Variants in EIF3A observed in about 807,000 individuals in gnomAD.
EIF3A encodes eukaryotic translation initiation factor 3 subunit A.
A neutral mutation model predicts 186.6 loss-of-function variants in EIF3A; 21 were observed. That is an observed-to-expected ratio of 0.11 (90% confidence interval 0.08 to 0.16). The LOEUF (loss-of-function observed/expected upper bound fraction) is 0.16. Ranked by LOEUF, EIF3A falls within the 10% of genes least tolerant of loss-of-function variation. EIF3A has a pLI of 1.00. For missense variants in EIF3A, 1,306 were observed against 1,796.3 expected (o/e 0.73, Z 4.93); for synonymous variants, 563 against 584.3 (o/e 0.96, Z 0.52).
At chr10:119,076,338 AAG>A (rs1476052707) in intron 1 of EIF3A, among the ~76,000 whole-genome samples, 1 of 150,756 alleles carries the variant, frequency 6.6e-6, no homozygotes, top group Admixed American at 6.6e-5. Context: ...AAAAAAAAAA[AAG>A]TTTGCTACAG....
At chr10:119,059,156 T>A (rs1473906618) in intron 11 of EIF3A, 56 bp downstream of exon 11, 2 of 1,377,258 alleles carry the variant, frequency 1.5e-6, no homozygotes, top group Admixed American at 3.8e-5. Context: ...AGACATGGCA[T>A]GGCGTTAAGA....
chr10:119,048,195 T>C (rs575642667), intron 17 of EIF3A, among the ~76,000 whole-genome samples: 1 of 142,386 alleles, frequency 7.0e-6, no homozygotes, highest in African/African-American at 2.9e-5. Flanking sequence ...GCAGGCACAG[T>C]GATCAAACAT....
chr10:119,069,366 A>G, intron 6 of EIF3A, 80 bp downstream of exon 6: 1 of 755,114 alleles, frequency 1.3e-6, no homozygotes, highest in Non-Finnish European at 2.3e-6. Flanking sequence ...CTGAGAAACC[A>G]TGGCCTAAAA....
At position 119,070,921 on chromosome 10, in the gene EIF3A, G is replaced by C; in HGVS notation, c.706C>G (p.Gln236Glu). The change falls in exon 5 of 22, where the codon CAG becomes GAG. Residue 236 changes from glutamine to glutamate, a missense_variant. Coordinates refer to ENST00000369144, the MANE Select transcript of EIF3A (RefSeq NM_003750.4). ...QSMHLETRLV[Q>E]LDSAISMELW... is the part of the protein sequence containing the mutation. ...TCCATGCTGATAGCACTGTCCAGCT[G>C]AACAAGTCTGGTTTCCAAATGCATG... 6.2e-7 allele frequency: 1 copy of C among 1,613,892 alleles called. No homozygotes were observed.
At chr10:119,079,677 G>A (rs920528134) in intron 1 of EIF3A, among the ~76,000 whole-genome samples, 1 of 152,158 alleles carries the variant, frequency 6.6e-6, no homozygotes, top group African/African-American at 2.4e-5. Flanking sequence ...AAATGCCTTG[G>A]AGAGATCGGG....
intron 1 of EIF3A, among the ~76,000 whole-genome samples, chr10:119,077,887 T>C (rs908762317): frequency 3.3e-5 from 5 of 152,222 alleles, no homozygotes; most frequent in Non-Finnish European, 7.4e-5. Context: ...CGGGGGAAGC[T>C]TTTGAGACTG....
intron 14 of EIF3A, among the ~76,000 whole-genome samples, chr10:119,055,699 A>G (rs1239455974): frequency 6.6e-6 from 1 of 152,164 alleles, no homozygotes; most frequent in African/African-American, 2.4e-5. Flanking sequence ...CAAAAGCACA[A>G]TAAAGTGAAG....
At chr10:119,056,888 ATC>A (rs1356653442) in intron 13 of EIF3A, 35 bp from the exon 14 acceptor site, 6 of 1,595,500 alleles carry the variant, frequency 3.8e-6, no homozygotes, top group East Asian at 4.5e-5. Flanking sequence ...GTTTTAAAAA[ATC>A]TCTCTTAACT....
chr10:119,074,703 G>A (rs1364698974), intron 1 of EIF3A, among the ~76,000 whole-genome samples: 1 of 151,400 alleles, frequency 6.6e-6, no homozygotes, highest in Non-Finnish European at 1.5e-5. Context: ...GGAGGACGAG[G>A]AGGGCAGATC....
chr10:119,041,036 T>C (rs1196188135), intron 19 of EIF3A, among the ~76,000 whole-genome samples: 1 of 132,206 alleles, frequency 7.6e-6, no homozygotes, highest in East Asian at 2.2e-4. Flanking sequence ...AAATTAGCCA[T>C]GCATGGTGGC....
At chr10:119,050,203 C>T (rs1281289618) in intron 16 of EIF3A, among the ~76,000 whole-genome samples, 1 of 152,160 alleles carries the variant, frequency 6.6e-6, no homozygotes, top group African/African-American at 2.4e-5. Context: ...CTCCCCCATC[C>T]CTGAGCAATC....
At chr10:119,038,873 CAAGAT>C (rs1471998907) in intron 19 of EIF3A, among the ~76,000 whole-genome samples, 1 of 151,708 alleles carries the variant, frequency 6.6e-6, no homozygotes, top group Non-Finnish European at 1.5e-5. Context: ...TGCAGTGAGC[CAAGAT>C]AGTGCCACTG....
intron 19 of EIF3A, among the ~76,000 whole-genome samples, chr10:119,040,840 A>G (rs1238685206): frequency 6.6e-6 from 1 of 151,902 alleles, no homozygotes; most frequent in African/African-American, 2.4e-5. Flanking sequence ...CCCCATCTCT[A>G]CTAAAAATAC....
chr10:119,059,731 C>G lies in EIF3A; in HGVS notation c.1327-13G>C, dbSNP rs763225114. On this transcript the variant is annotated splice_polypyrimidine_tract_variant and intron_variant, in intron 9 of 21. Coordinates refer to ENST00000369144, the MANE Select transcript of EIF3A (RefSeq NM_003750.4). ...AAATCTGTGACACCTGCATAGAAAA[C>G]AAAGGGTTAATAACACTAGCCACTG... The G allele has an allele frequency of 1.2e-5, 18 of 1,559,880 alleles. No homozygotes were observed. The South Asian group carries it at 1.6e-4, about 13-fold the overall frequency.
At position 119,057,666 on chromosome 10, in the gene EIF3A, T is replaced by C. The variant is rs373860569; in HGVS notation, c.1977+290A>G. Among the ~76,000 whole-genome samples the C allele has an allele frequency of 3.3e-5, 5 of 151,998 alleles. No individual in the cohort carries two copies. The East Asian group carries it at 7.7e-4, about 23-fold the overall frequency. On this transcript the variant is annotated intron_variant, in intron 12 of 21. Transcript: ENST00000369144. Reference sequence around the variant, plus strand: ...GGCAGGCGCCTGTAATCCCAGCTAGTTGGGAGGCTGAGGCAGGAGAATCAC... The same window carrying C: ...GGCAGGCGCCTGTAATCCCAGCTAGCTGGGAGGCTGAGGCAGGAGAATCAC...
chr10:119,069,015 T>G (rs544610984), intron 6 of EIF3A, among the ~76,000 whole-genome samples: 2 of 152,274 alleles, frequency 1.3e-5, no homozygotes, highest in South Asian at 4.1e-4. Context: ...AGTATTTTTC[T>G]TAATTTTCTA....
chr10:119,068,459 G>C (rs926515634), intron 6 of EIF3A, among the ~76,000 whole-genome samples: 8 of 152,044 alleles, frequency 5.3e-5, no homozygotes, highest in Non-Finnish European at 1.0e-4. Context: ...AGGATCATCT[G>C]AGGACAGGAG....
chr10:119,041,931 A>T, intron 19 of EIF3A, 63 bp downstream of exon 19: 1 of 1,496,584 alleles, frequency 6.7e-7, no homozygotes. Context: ...CCTGATATTT[A>T]TCCATCAGAA....
In EIF3A at chr10:119,065,564, A is replaced by G; in HGVS notation, c.957T>C (p.Ser319=). 2 of 1,605,786 alleles carry G rather than the reference A, an allele frequency of 1.2e-6. No homozygotes were observed. Among genetic ancestry groups the G allele is most frequent in the Non-Finnish European group, 1.7e-6 (2 of 1,174,660 alleles). The change falls in exon 7 of 22, where the codon TCT becomes TCC. Residue 319 remains serine, a synonymous_variant. Coordinates refer to ENST00000369144, the MANE Select transcript of EIF3A (RefSeq NM_003750.4). ...NLTQDEMQRM[S]TRVLLATLSI... ...AAAGAGTGGCTAAAAGGACTCTAGT[A>G]GACATTCTATGGAGAACAAAGTTTT... is the stretch of plus-strand genomic sequence containing the variant.
Sources: gnomAD v4.1 joint callset for allele counts (sites outside exome capture counted in the v4.1 genomes callset) on GRCh38, gnomAD v4.1.1 for gene constraint, MANE v1.5 for transcripts, NCBI Gene and HGNC (gene_info 2026-07-23, HGNC 2026-07-21) for gene names.